Variants in ENTREP2 observed in about 807,000 individuals in gnomAD.
ENTREP2 encodes the protein endosomal transmembrane epsin interactor 2, also known as protein ENTREP2.
chr15:29,280,733 G>A, the ENTREP2 span, among the ~76,000 whole-genome samples: 3 of 152,182 alleles, frequency 2.0e-5, no homozygotes, highest in African/African-American at 7.2e-5. Context: ...CCAGCAGCCG[G>A]GGAACCGCCA....
chr15:29,206,997 G>T, the ENTREP2 span, among the ~76,000 whole-genome samples: 5 of 152,106 alleles, frequency 3.3e-5, no homozygotes, highest in Admixed American at 1.3e-4. Context: ...GGCCAACATA[G>T]ACATGCTCCG....
chr15:29,621,106 G>A, the ENTREP2 span, among the ~76,000 whole-genome samples: 1 of 151,882 alleles, frequency 6.6e-6, no homozygotes. Context: ...ATGTAAGGGG[G>A]CGGCCAGGCG....
chr15:29,258,588 T>C, the ENTREP2 span, among the ~76,000 whole-genome samples: 12 of 152,302 alleles, frequency 7.9e-5, no homozygotes, highest in Admixed American at 7.2e-4. Context: ...ATTCATAACA[T>C]GAAGTTTACC....
the ENTREP2 span, among the ~76,000 whole-genome samples, chr15:29,555,122 CAG>C: frequency 5.3e-5 from 8 of 152,196 alleles, no homozygotes; most frequent in Non-Finnish European, 1.0e-4. Context: ...TTCTGACTCA[CAG>C]AGAGAGAAGG....
At chr15:29,424,986 T>C in the ENTREP2 span, among the ~76,000 whole-genome samples, 2 of 152,164 alleles carry the variant, frequency 1.3e-5, no homozygotes, top group Non-Finnish European at 2.9e-5. Flanking sequence ...GCAAACACCA[T>C]AATGGGGTGA....
chr15:29,205,970 C>T, the ENTREP2 span, among the ~76,000 whole-genome samples: 1 of 152,202 alleles, frequency 6.6e-6, no homozygotes. Flanking sequence ...AGTCCTTGTC[C>T]TGCTTTCTGA....
At chr15:29,527,255 C>T in the ENTREP2 span, among the ~76,000 whole-genome samples, 1 of 152,116 alleles carries the variant, frequency 6.6e-6, no homozygotes. Context: ...TCTGTTTCAT[C>T]GGCCCAACCT....
the ENTREP2 span, among the ~76,000 whole-genome samples, chr15:29,554,641 C>T: frequency 2.0e-5 from 3 of 151,940 alleles, no homozygotes; most frequent in Non-Finnish European, 2.9e-5. Flanking sequence ...ATTAAGTGTG[C>T]TGAAGGAAAA....
chr15:29,555,847 T>G, the ENTREP2 span, among the ~76,000 whole-genome samples: 1 of 152,192 alleles, frequency 6.6e-6, no homozygotes, highest in Non-Finnish European at 1.5e-5. Flanking sequence ...CACACTCCTG[T>G]GCACAAATGG....
chr15:29,204,673 C>A, the ENTREP2 span, among the ~76,000 whole-genome samples: 1 of 152,118 alleles, frequency 6.6e-6, no homozygotes. Context: ...GGTAAAAATG[C>A]AGAGTGCCAA....
the ENTREP2 span, among the ~76,000 whole-genome samples, chr15:29,441,187 G>A: frequency 6.6e-6 from 1 of 152,204 alleles, no homozygotes; most frequent in Non-Finnish European, 1.5e-5. Flanking sequence ...AGGACACTGT[G>A]CTGAGCAAAA....
the ENTREP2 span, among the ~76,000 whole-genome samples, chr15:29,595,837 G>C: frequency 6.6e-6 from 1 of 151,930 alleles, no homozygotes; most frequent in Non-Finnish European, 1.5e-5. Flanking sequence ...AATTGTTCTA[G>C]CTTTGGACTT....
chr15:29,198,568 C>T, the ENTREP2 span, among the ~76,000 whole-genome samples: 1 of 152,202 alleles, frequency 6.6e-6, no homozygotes, highest in South Asian at 2.1e-4. Context: ...CATCTTTCCT[C>T]ATTTTCTTAA....
At chr15:29,646,803 A>G in the ENTREP2 span, among the ~76,000 whole-genome samples, 1 of 152,164 alleles carries the variant, frequency 6.6e-6, no homozygotes, top group East Asian at 1.9e-4. Context: ...ATAGACATAA[A>G]GAGACACAAA....
the ENTREP2 span, among the ~76,000 whole-genome samples, chr15:29,359,332 G>C: frequency 1.3e-5 from 2 of 152,150 alleles, no homozygotes; most frequent in Admixed American, 6.5e-5. Context: ...CTGTGTTTTG[G>C]TGAGGATATC....
the ENTREP2 span, among the ~76,000 whole-genome samples, chr15:29,479,480 C>T: frequency 6.6e-6 from 1 of 152,044 alleles, no homozygotes; most frequent in Admixed American, 6.6e-5. Context: ...AGCAGCACAT[C>T]GCAATCAGCA....
At chr15:29,156,709 C>T in the ENTREP2 span, among the ~76,000 whole-genome samples, 10 of 152,244 alleles carry the variant, frequency 6.6e-5, no homozygotes, top group Admixed American at 5.2e-4. Context: ...TGGCTGTTTA[C>T]TGGAGTAGGG....
chr15:29,233,680 G>A, the ENTREP2 span: 141 of 1,062,824 alleles, frequency 1.3e-4, no homozygotes, highest in African/African-American at 1.7e-3. Context: ...TGGGCATAGC[G>A]CATCTCCTGT....
chr15:29,539,994 G>A, the ENTREP2 span, among the ~76,000 whole-genome samples: 3 of 152,300 alleles, frequency 2.0e-5, no homozygotes, highest in African/African-American at 7.2e-5. Context: ...AGTCTAGGCA[G>A]ATGTGGCCCA....
Sources: allele counts gnomAD v4.1 joint callset (sites outside exome capture counted in the v4.1 genomes callset), GRCh38; gene constraint gnomAD v4.1.1; transcripts MANE v1.5; gene names NCBI Gene and HGNC (gene_info 2026-07-23, HGNC 2026-07-21).